The following AOPEP variants were observed in gnomAD, a reference collection of about 807,000 sequenced individuals.
AOPEP encodes aminopeptidase O.
AOPEP carries 77 observed loss-of-function variants against 98.1 expected under a neutral mutation model. That is an observed-to-expected ratio of 0.78 (90% CI 0.65 to 0.95). The LOEUF (loss-of-function observed/expected upper bound fraction) is 0.95. Ranked by LOEUF, AOPEP falls within the 40% of genes least tolerant of loss-of-function variation. The probability of loss-of-function intolerance (pLI) is 0.00; values close to 1 mark genes in which losing one functional copy is unlikely to be tolerated. For synonymous variants in AOPEP, 346 were observed against 365.3 expected (o/e 0.95, Z 0.60); for missense variants, 1,024 against 1,024.7 (o/e 1.00, Z 0.01).
At chr9:95,068,845 T>C (rs1272222767) in intron 14 of AOPEP, among the ~76,000 whole-genome samples, 1 of 151,888 alleles carries the variant, frequency 6.6e-6, no homozygotes, top group Non-Finnish European at 1.5e-5. Flanking sequence ...GAAGGCTGAG[T>C]TTCTTTCATG....
chr9:94,899,303 G>T (rs2050066780), intron 5 of AOPEP, among the ~76,000 whole-genome samples: 1 of 141,438 alleles, frequency 7.1e-6, no homozygotes, highest in Non-Finnish European at 1.5e-5. Flanking sequence ...TCCTGCCTCA[G>T]CCTCCGGAGT....
chr9:94,835,819 G>A (rs2041526127), intron 5 of AOPEP, among the ~76,000 whole-genome samples: 1 of 152,198 alleles, frequency 6.6e-6, no homozygotes, highest in Non-Finnish European at 1.5e-5. Flanking sequence ...GCTGTTCCCA[G>A]TGTCTCTTCC....
At chr9:94,943,485 T>G (rs150262325) in intron 7 of AOPEP, among the ~76,000 whole-genome samples, 6,474 of 150,688 alleles carry the variant, frequency 0.043, 463 homozygotes, top group African/African-American at 0.15. Flanking sequence ...TCCCAGCTAC[T>G]CAGGAGGCTG....
intron 9 of AOPEP, among the ~76,000 whole-genome samples, chr9:94,959,671 A>T (rs765362611): frequency 9.2e-5 from 14 of 152,228 alleles, no homozygotes; most frequent in Admixed American, 2.6e-4. Flanking sequence ...AATGTGAAAC[A>T]TTACTCAAAA....
At chr9:95,046,765 T>C (rs889000837) in intron 13 of AOPEP, among the ~76,000 whole-genome samples, 1 of 152,168 alleles carries the variant, frequency 6.6e-6, no homozygotes, top group African/African-American at 2.4e-5. Flanking sequence ...TGTTTGGGAG[T>C]CATTTCTATA....
At chr9:94,751,382 A>C (rs1835735397) in intron 1 of AOPEP, among the ~76,000 whole-genome samples, 2 of 152,348 alleles carry the variant, frequency 1.3e-5, no homozygotes, top group Admixed American at 1.3e-4. Flanking sequence ...ATAATCAAGC[A>C]GACACATGTA....
At chr9:94,828,735 A>C (rs1003102608) in intron 5 of AOPEP, among the ~76,000 whole-genome samples, 4 of 150,812 alleles carry the variant, frequency 2.7e-5, no homozygotes, top group South Asian at 4.2e-4. Context: ...TACACACACA[A>C]TATATATATA....
chr9:94,779,082 CAACTT>C (rs1408612394), intron 3 of AOPEP, among the ~76,000 whole-genome samples: 1 of 151,854 alleles, frequency 6.6e-6, no homozygotes, highest in Non-Finnish European at 1.5e-5. Flanking sequence ...TTTTAGGTGT[CAACTT>C]GACTGGATTA....
the AOPEP span, among the ~76,000 whole-genome samples, chr9:95,097,794 C>T: frequency 6.6e-6 from 1 of 152,158 alleles, no homozygotes; most frequent in African/African-American, 2.4e-5. Flanking sequence ...GATTTGGACC[C>T]ATGGTATAAA....
At chr9:94,952,478 C>T (rs983905788) in intron 7 of AOPEP, among the ~76,000 whole-genome samples, 3 of 152,158 alleles carry the variant, frequency 2.0e-5, no homozygotes, top group Admixed American at 2.0e-4. Flanking sequence ...CCCCATAGGT[C>T]AGTTTTGCCT....
chr9:95,005,962 C>G (rs1315449405), intron 13 of AOPEP: 1 of 487,458 alleles, frequency 2.1e-6, no homozygotes, highest in African/African-American at 2.0e-5. Context: ...AAATCGCCCA[C>G]AGTATTAGGT....
At chr9:95,055,287 G>A (rs745664272) in intron 13 of AOPEP, among the ~76,000 whole-genome samples, 1 of 152,176 alleles carries the variant, frequency 6.6e-6, no homozygotes, top group African/African-American at 2.4e-5. Context: ...GGCCTGGCTA[G>A]TGTGTGGGCA....
intron 5 of AOPEP, among the ~76,000 whole-genome samples, chr9:94,818,775 A>G (rs1009553104): frequency 3.2e-4 from 49 of 152,252 alleles, no homozygotes; most frequent in African/African-American, 1.1e-3. Context: ...TGGGCGGATC[A>G]CGAGGTCAGG....
chr9:94,987,106 T>C (rs942008972), intron 11 of AOPEP, among the ~76,000 whole-genome samples: 1 of 152,190 alleles, frequency 6.6e-6, no homozygotes. Context: ...ATCCCACACA[T>C]AGGTTCTTGA....
intron 14 of AOPEP, among the ~76,000 whole-genome samples, chr9:95,074,183 G>A (rs2134121518): frequency 6.6e-6 from 1 of 152,214 alleles, no homozygotes; most frequent in Admixed American, 6.5e-5. Flanking sequence ...GGGCCTCCTA[G>A]GTGGCTCAGG....
chr9:94,830,979 A>T (rs575481482), intron 5 of AOPEP, among the ~76,000 whole-genome samples: 15 of 151,982 alleles, frequency 9.9e-5, no homozygotes, highest in African/African-American at 3.4e-4. Context: ...AGATTGCAAA[A>T]TTTTTTTCCC....
Position 94,801,010 on chromosome 9 carries a change from G to T in AOPEP, c.1364+8G>T. ...AAGTCTGGGGATGGCCAGGTATGTT[G>T]TTCCATTGTGGCACTTGGGGTACAT... is the stretch of plus-strand genomic sequence containing the variant. On this transcript the variant is annotated splice_region_variant and intron_variant, in intron 5 of 16. Transcript: ENST00000375315. 1 of 1,613,570 alleles carries T rather than the reference G, an allele frequency of 6.2e-7. No individual in the cohort carries two copies. Among genetic ancestry groups the T allele is most frequent in the South Asian group, 1.1e-5 (1 of 91,072 alleles).
chr9:95,144,007 T>C, the AOPEP span, among the ~76,000 whole-genome samples: 1 of 152,090 alleles, frequency 6.6e-6, no homozygotes, highest in Admixed American at 6.5e-5. Flanking sequence ...CACCAGCCAA[T>C]TGTCAAACAG....
At chr9:95,033,381 C>A (rs746488402) in intron 13 of AOPEP, among the ~76,000 whole-genome samples, 2 of 152,136 alleles carry the variant, frequency 1.3e-5, no homozygotes, top group Non-Finnish European at 2.9e-5. Flanking sequence ...AAAATGTACT[C>A]ATTCAGTTTC....
Sources: gnomAD v4.1 joint callset for allele counts (sites outside exome capture counted in the v4.1 genomes callset) on GRCh38, gnomAD v4.1.1 for gene constraint, MANE v1.5 for transcripts, NCBI Gene and HGNC (gene_info 2026-07-23, HGNC 2026-07-21) for gene names.